PPARGC1A: variants seen among roughly 807,000 people sequenced by gnomAD.
PPARGC1A encodes PPARG coactivator 1 alpha.
Under a neutral mutation model 88.7 loss-of-function variants are expected in PPARGC1A, and 25 were observed. That is an observed-to-expected ratio of 0.28 (90% CI 0.21 to 0.39). PPARGC1A has a LOEUF of 0.39. PPARGC1A is among the 10% of genes least tolerant of loss of function. The probability of loss-of-function intolerance (pLI) is 1.00; values close to 1 mark genes in which losing one functional copy is unlikely to be tolerated. For synonymous variants in PPARGC1A, 363 were observed against 355.6 expected (o/e 1.02, Z -0.24); for missense variants, 880 against 968.7 (o/e 0.91, Z 1.22).
rs534793650 is a variant in PPARGC1A at position 23,878,650 on chromosome 4, G to C, written c.234+6102C>G. On this transcript the variant is annotated intron_variant, in intron 2 of 12. Transcript: ENST00000264867. ...GTCTAAAACCACAGTGCTTAAATGA[G>C]GTGTGTAGATGAACACACACACACA... 1.5e-3 allele frequency among the ~76,000 whole-genome samples: 230 copies of C among 152,150 alleles called. 1 individual carries two copies. The highest frequency in any genetic ancestry group is 5.4e-3 in the African/African-American group (226 of 41,518).
At chr4:23,940,868 T>A in the PPARGC1A span, among the ~76,000 whole-genome samples, 3 of 151,966 alleles carry the variant, frequency 2.0e-5, no homozygotes, top group African/African-American at 7.3e-5. Context: ...CCTTCCAGAC[T>A]CTACAAAAAA....
chr4:23,964,378 T>C, the PPARGC1A span, among the ~76,000 whole-genome samples: 3 of 152,204 alleles, frequency 2.0e-5, no homozygotes, highest in African/African-American at 7.2e-5. Context: ...ATTTAAAATA[T>C]GTTAAGAGCA....
At chr4:24,389,967 C>T in the PPARGC1A span, among the ~76,000 whole-genome samples, 3 of 152,120 alleles carry the variant, frequency 2.0e-5, no homozygotes, top group South Asian at 4.1e-4. Flanking sequence ...GAGTTTGTGA[C>T]CTCCTTTTTA....
chr4:23,821,590 G>T (rs558810329), intron 7 of PPARGC1A, among the ~76,000 whole-genome samples: 1 of 152,180 alleles, frequency 6.6e-6, no homozygotes, highest in East Asian at 1.9e-4. Context: ...AAGTTGGAAA[G>T]ATAAGAAGTA....
At chr4:24,376,632 T>C in the PPARGC1A span, among the ~76,000 whole-genome samples, 3 of 152,208 alleles carry the variant, frequency 2.0e-5, no homozygotes, top group Admixed American at 2.0e-4. Context: ...GAATTCACCA[T>C]TTGACTAAAG....
chr4:23,947,397 A>ATATATAT, the PPARGC1A span, among the ~76,000 whole-genome samples: 39 of 12,174 alleles, frequency 3.2e-3, no homozygotes, highest in East Asian at 6.4e-3. Context: ...ATATATATAT[A>ATATATAT]AAAAAAACGG....
At chr4:24,433,131 A>G in the PPARGC1A span, among the ~76,000 whole-genome samples, 5 of 152,230 alleles carry the variant, frequency 3.3e-5, 1 homozygote, top group Non-Finnish European at 7.3e-5. Flanking sequence ...AGATATGTCC[A>G]CCTGGGTAAT....
chr4:24,338,046 T>A, the PPARGC1A span, among the ~76,000 whole-genome samples: 2 of 152,170 alleles, frequency 1.3e-5, no homozygotes, highest in Admixed American at 1.3e-4. Context: ...CACTTCACCC[T>A]GCCTAGCCTT....
upstream of PPARGC1A, chr4:23,890,329 C>G (rs1166326131): frequency 5.2e-6 from 1 of 193,606 alleles, no homozygotes; most frequent in Non-Finnish European, 1.0e-5. Context: ...ATGCCACAGA[C>G]TCTAAACGGA....
chr4:24,423,079 T>C, the PPARGC1A span, among the ~76,000 whole-genome samples: 2 of 152,190 alleles, frequency 1.3e-5, no homozygotes, highest in African/African-American at 4.8e-5. Context: ...TTTATAGATA[T>C]AATACACACA....
At chr4:24,004,341 C>G in the PPARGC1A span, among the ~76,000 whole-genome samples, 1 of 152,100 alleles carries the variant, frequency 6.6e-6, no homozygotes, top group South Asian at 2.1e-4. Flanking sequence ...AACTGAGAAA[C>G]AGAAAAAACA....
chr4:24,278,886 T>A, the PPARGC1A span, among the ~76,000 whole-genome samples: 1 of 152,098 alleles, frequency 6.6e-6, no homozygotes, highest in Non-Finnish European at 1.5e-5. Context: ...AGCATCCACA[T>A]CAACACTCTC....
the PPARGC1A span, among the ~76,000 whole-genome samples, chr4:24,465,239 C>T: frequency 6.6e-6 from 1 of 152,252 alleles, no homozygotes; most frequent in East Asian, 1.9e-4. Flanking sequence ...GGATCTGGTA[C>T]CATATTCTAG....
the PPARGC1A span, among the ~76,000 whole-genome samples, chr4:23,954,115 C>G: frequency 1.3e-5 from 2 of 151,874 alleles, no homozygotes; most frequent in African/African-American, 4.8e-5. Context: ...CTTTATCAAC[C>G]AAGCTGAAAT....
At chr4:23,933,498 G>A in the PPARGC1A span, among the ~76,000 whole-genome samples, 1 of 152,172 alleles carries the variant, frequency 6.6e-6, no homozygotes, top group Admixed American at 6.5e-5. Context: ...AGGATTGTGA[G>A]CCTGAAGCAA....
chr4:24,361,750 A>G, the PPARGC1A span, among the ~76,000 whole-genome samples: 1 of 152,238 alleles, frequency 6.6e-6, no homozygotes, highest in Non-Finnish European at 1.5e-5. Context: ...AAGCAGCAGC[A>G]TTCGTATCCC....
At chr4:24,042,382 A>AT in the PPARGC1A span, among the ~76,000 whole-genome samples, 1 of 152,212 alleles carries the variant, frequency 6.6e-6, no homozygotes, top group Non-Finnish European at 1.5e-5. Flanking sequence ...GTAGTCCAGA[A>AT]TGAGCATCTT....
At chr4:24,082,549 T>A in the PPARGC1A span, among the ~76,000 whole-genome samples, 4 of 152,204 alleles carry the variant, frequency 2.6e-5, no homozygotes, top group East Asian at 5.8e-4. Context: ...TTGCGGCTTT[T>A]GCACCATAAG....
the PPARGC1A span, among the ~76,000 whole-genome samples, chr4:24,229,682 A>G: frequency 6.6e-6 from 1 of 151,696 alleles, no homozygotes; most frequent in Non-Finnish European, 1.5e-5. Context: ...AAAATAAAGA[A>G]TAATAATACA....
Sources: gnomAD v4.1 joint callset for allele counts (sites outside exome capture counted in the v4.1 genomes callset) on GRCh38, gnomAD v4.1.1 for gene constraint, MANE v1.5 for transcripts, NCBI Gene and HGNC (gene_info 2026-07-23, HGNC 2026-07-21) for gene names.